Variants in SV2C observed in about 807,000 individuals in gnomAD.
SV2C encodes synaptic vesicle glycoprotein 2C.
In SV2C, 49 loss-of-function variants were observed where a neutral mutation model predicts 79.7. The ratio of observed to expected loss-of-function variants is 0.61; its 90% confidence interval spans 0.49 to 0.78. The LOEUF is 0.78. Ranked by LOEUF, SV2C falls within the 30% of genes least tolerant of loss-of-function variation. The pLI is 0.00. For missense variants in SV2C, 833 were observed against 912.9 expected, an observed-to-expected ratio of 0.91 and a Z score of 1.13; for synonymous variants, 334 against 333.2, an observed-to-expected ratio of 1.00 and a Z score of -0.03.
chr5:76,283,011 C>CAACAA (rs1475481654), intron 4 of SV2C, among the ~76,000 whole-genome samples: 1 of 151,992 alleles, frequency 6.6e-6, no homozygotes, highest in Non-Finnish European at 1.5e-5. Context: ...GACTCCATCT[C>CAACAA]AACAAAACAA....
intron 2 of SV2C, among the ~76,000 whole-genome samples, chr5:76,161,313 A>C (rs528048663): frequency 6.6e-6 from 1 of 152,308 alleles, no homozygotes; most frequent in East Asian, 1.9e-4. Context: ...CTATTGAGAC[A>C]GAAAGTAAAG....
chr5:76,021,884 TA>T, the SV2C span, among the ~76,000 whole-genome samples: 2 of 152,108 alleles, frequency 1.3e-5, no homozygotes, highest in African/African-American at 4.8e-5. Context: ...TATAGGTGAG[TA>T]AAAGTTACTT....
At chr5:75,959,373 T>A in the SV2C span, among the ~76,000 whole-genome samples, 1 of 152,004 alleles carries the variant, frequency 6.6e-6, no homozygotes, top group Non-Finnish European at 1.5e-5. Context: ...CAGAATGGCC[T>A]CAAAGCTCAT....
chr5:75,978,706 G>A, the SV2C span, among the ~76,000 whole-genome samples: 1 of 152,162 alleles, frequency 6.6e-6, no homozygotes, highest in African/African-American at 2.4e-5. Context: ...ACAACACACT[G>A]CAACTGAATG....
At chr5:76,244,668 A>G (rs1009773868) in intron 4 of SV2C, among the ~76,000 whole-genome samples, 2 of 152,368 alleles carry the variant, frequency 1.3e-5, no homozygotes, top group Non-Finnish European at 2.9e-5. Context: ...CCCTTGTTCT[A>G]TATTTAGAGT....
At chr5:75,997,423 A>G in the SV2C span, among the ~76,000 whole-genome samples, 486 of 49,002 alleles carry the variant, frequency 9.9e-3, 2 homozygotes, top group African/African-American at 0.046. Flanking sequence ...ATGGGAGAAA[A>G]TTTTTGCAAT....
intron 4 of SV2C, among the ~76,000 whole-genome samples, chr5:76,271,303 G>A (rs952058868): frequency 9.9e-5 from 15 of 152,126 alleles, no homozygotes; most frequent in Non-Finnish European, 1.3e-4. Flanking sequence ...GAATATAGAT[G>A]TGTCTTGATT....
At chr5:76,165,777 A>G (rs149917068) in intron 2 of SV2C, among the ~76,000 whole-genome samples, 27 of 152,336 alleles carry the variant, frequency 1.8e-4, no homozygotes, top group African/African-American at 5.5e-4. Flanking sequence ...AAAGTCAGAA[A>G]GATCAAATCA....
At chr5:76,255,330 T>G (rs1746231712) in intron 4 of SV2C, among the ~76,000 whole-genome samples, 1 of 152,228 alleles carries the variant, frequency 6.6e-6, no homozygotes, top group Admixed American at 6.5e-5. Flanking sequence ...GCATTCTGGT[T>G]ATAATGATAG....
chr5:76,260,236 GTCT>G (rs1746418617), intron 4 of SV2C, among the ~76,000 whole-genome samples: 1 of 152,172 alleles, frequency 6.6e-6, no homozygotes. Flanking sequence ...CTGCATAAAT[GTCT>G]TCTTTTGAGA....
intron 2 of SV2C, among the ~76,000 whole-genome samples, chr5:76,194,534 T>C (rs1561258791): frequency 1.3e-5 from 2 of 152,182 alleles, no homozygotes; most frequent in Admixed American, 6.5e-5. Flanking sequence ...GTCAGCACCA[T>C]AGTACAGAGA....
intron 2 of SV2C, among the ~76,000 whole-genome samples, chr5:76,151,014 T>C (rs34064105): frequency 0.41 from 62,716 of 151,962 alleles, 13,531 homozygotes; most frequent in Middle Eastern, 0.51. Flanking sequence ...ATCAACCAGA[T>C]ACAAACTATC....
At chr5:75,877,166 A>G in the SV2C span, among the ~76,000 whole-genome samples, 12 of 152,238 alleles carry the variant, frequency 7.9e-5, no homozygotes, top group Middle Eastern at 3.4e-3. Context: ...CAGACAAAAT[A>G]GACTTTTAAA....
At chr5:76,076,113 C>T in the SV2C span, among the ~76,000 whole-genome samples, 1 of 152,170 alleles carries the variant, frequency 6.6e-6, no homozygotes, top group Non-Finnish European at 1.5e-5. Context: ...TCAAGCCCTG[C>T]TGTAAAATAT....
chr5:76,066,437 G>A, the SV2C span, among the ~76,000 whole-genome samples: 82 of 127,152 alleles, frequency 6.4e-4, no homozygotes, highest in African/African-American at 2.4e-3. Flanking sequence ...ATCACACACC[G>A]GGGCCTGTCT....
At chr5:76,308,200 C>T (rs1748273525) in intron 12 of SV2C, among the ~76,000 whole-genome samples, 1 of 152,162 alleles carries the variant, frequency 6.6e-6, no homozygotes, top group African/African-American at 2.4e-5. Context: ...GAAAGGGAGG[C>T]ATTGCCTTAT....
At chr5:76,117,642 AC>A (rs764028002) in intron 1 of SV2C, among the ~76,000 whole-genome samples, 1 of 152,182 alleles carries the variant, frequency 6.6e-6, no homozygotes, top group African/African-American at 2.4e-5. Context: ...AGATACTAAT[AC>A]ATGTAGGAAT....
At chr5:75,942,487 A>C in the SV2C span, among the ~76,000 whole-genome samples, 2 of 152,080 alleles carry the variant, frequency 1.3e-5, no homozygotes, top group Non-Finnish European at 2.9e-5. Context: ...GGAAACAGAA[A>C]AGACTGGGGT....
At chr5:76,151,932 G>A (rs1415102910) in intron 2 of SV2C, among the ~76,000 whole-genome samples, 1 of 152,176 alleles carries the variant, frequency 6.6e-6, no homozygotes, top group Non-Finnish European at 1.5e-5. Flanking sequence ...CCTAGAGATG[G>A]AACTTGGGCA....
Sources: allele counts gnomAD v4.1 joint callset (sites outside exome capture counted in the v4.1 genomes callset), GRCh38; gene constraint gnomAD v4.1.1; transcripts MANE v1.5; gene names NCBI Gene and HGNC (gene_info 2026-07-23, HGNC 2026-07-21).